Variants in MAP2K5 observed in about 807,000 individuals in gnomAD.
MAP2K5 encodes mitogen-activated protein kinase kinase 5, also known as dual specificity mitogen-activated protein kinase kinase 5.
MAP2K5 carries 49 observed loss-of-function variants against 83.1 expected under a neutral mutation model. The ratio of observed to expected loss-of-function variants is 0.59; its 90% CI spans 0.47 to 0.75. The LOEUF (loss-of-function observed/expected upper bound fraction) is 0.75, where lower values mean the gene tolerates loss of function less well. Ranked by LOEUF, MAP2K5 falls within the 30% of genes least tolerant of loss-of-function variation. The pLI, the probability that MAP2K5 is intolerant of heterozygous loss-of-function variation, is 0.00. For synonymous variants in MAP2K5, 202 were observed against 191.8 expected, an observed-to-expected ratio of 1.05 and a Z score of -0.44; for missense variants, 457 against 557.5, an observed-to-expected ratio of 0.82 and a Z score of 1.82.
Position 67,720,064 on chromosome 15 carries a change from G to A in MAP2K5, c.1045-7852G>A, listed in dbSNP as rs1024909129. Among the ~76,000 whole-genome samples, 1 of 152,088 alleles carries A rather than the reference G, an allele frequency of 6.6e-6. No individual in the cohort carries two copies. Among genetic ancestry groups the A allele is most frequent in the South Asian group, 2.1e-4 (1 of 4,828 alleles). On this transcript the variant is annotated intron_variant, in intron 16 of 21. Coordinates refer to ENST00000178640, the MANE Select transcript of MAP2K5 (RefSeq NM_145160.3). This position sits in a 1 kb window ranked among gnomAD's most constrained non-coding sequence, Gnocchi z 5.7. ...AGTGTCTGTAAAGCTACAAAAGTGG[G>A]CATTTTTAAATTGAGGGTTTTTTCC... is the stretch of plus-strand genomic sequence containing the variant.
intron 2 of MAP2K5, among the ~76,000 whole-genome samples, chr15:67,550,884 G>A (rs1323073960): frequency 6.6e-6 from 1 of 151,906 alleles, no homozygotes; most frequent in Non-Finnish European, 1.5e-5. Flanking sequence ...CAGTTCTCAT[G>A]CCTCAGCCTC....
rs1466862042 is a variant in MAP2K5, at chr15:67,555,927, G to C, written c.184+5845G>C. On this transcript the variant is annotated intron_variant, in intron 2 of 21. Coordinates refer to ENST00000178640, the MANE Select transcript of MAP2K5 (RefSeq NM_145160.3). The surrounding 1 kb of genome is among the most constrained non-coding windows in gnomAD (Gnocchi z 5.2). ...GCCTCCCAAGTAGCTAGGACTACAG[G>C]CATGCGCCACCACACCCGGCTAATT... Among the ~76,000 whole-genome samples, 1 of 152,016 alleles carries C rather than the reference G, an allele frequency of 6.6e-6. No homozygotes were observed. Among genetic ancestry groups the C allele is most frequent in the African/African-American group, 2.4e-5 (1 of 41,386 alleles).
intron 8 of MAP2K5, among the ~76,000 whole-genome samples, chr15:67,611,097 G>A (rs2085913117): frequency 6.6e-6 from 1 of 151,988 alleles, no homozygotes; most frequent in Non-Finnish European, 1.5e-5. Flanking sequence ...CTATTACGAC[G>A]GTTAACTGTA....
intron 12 of MAP2K5, 80 bp from the exon 13 acceptor site, chr15:67,664,517 G>T: frequency 5.8e-6 from 5 of 866,872 alleles, no homozygotes; most frequent in Admixed American, 2.2e-5. Context: ...AAAAAAAAAT[G>T]TTGAATGTAT....
intron 9 of MAP2K5, chr15:67,642,379 GCGCATA>G: frequency 6.4e-7 from 1 of 1,560,340 alleles, no homozygotes; most frequent in African/African-American, 1.4e-5. Flanking sequence ...CCCTTGAGAG[GCGCATA>G]GCCACTCTAA....
At chr15:67,574,980 G>C (rs2085024878) in intron 3 of MAP2K5, among the ~76,000 whole-genome samples, 1 of 152,178 alleles carries the variant, frequency 6.6e-6, no homozygotes, top group South Asian at 2.1e-4. Flanking sequence ...TGGGAAACAG[G>C]GTCATAGTGA....
Position 67,738,004 on chromosome 15 carries a change from A to C in MAP2K5, c.1074+10059A>C, listed in dbSNP as rs181309684. On this transcript the variant is annotated intron_variant, in intron 17 of 21. Coordinates refer to ENST00000178640, the MANE Select transcript of MAP2K5 (RefSeq NM_145160.3). This position sits in a 1 kb window ranked among gnomAD's most constrained non-coding sequence, Gnocchi z 4.1. ...GTAGCTGGGATTATAGGAGTGCATCACCATACCCGGCTAATTTTTGTATTT... is the reference window on the plus strand; with the variant it reads ...GTAGCTGGGATTATAGGAGTGCATCCCCATACCCGGCTAATTTTTGTATTT... Among the ~76,000 whole-genome samples, 329 of 151,712 alleles carry C rather than the reference A, an allele frequency of 2.2e-3. 7 individuals carry two copies. The South Asian group carries it at 0.034, about 16-fold the overall frequency.
rs186405611 is a variant in MAP2K5, at chr15:67,573,975, C to T, written c.253-6779C>T. On this transcript the variant is annotated intron_variant, in intron 3 of 21. Coordinates refer to ENST00000178640, the MANE Select transcript of MAP2K5 (RefSeq NM_145160.3). The surrounding 1 kb of genome is among the most constrained non-coding windows in gnomAD (Gnocchi z 4.2). ...TTCCTCCTCTTGCTTTTGGGAACAC[C>T]CAGCTCTGACTGGGTTTATTGGTGG... Among the ~76,000 whole-genome samples, 1 of 152,232 alleles carries T rather than the reference C, an allele frequency of 6.6e-6. No individual in the cohort carries two copies. Among genetic ancestry groups the T allele is most frequent in the East Asian group, 1.9e-4 (1 of 5,178 alleles).
intron 8 of MAP2K5, among the ~76,000 whole-genome samples, chr15:67,616,353 G>T (rs2086054695): frequency 6.6e-6 from 1 of 152,176 alleles, no homozygotes; most frequent in African/African-American, 2.4e-5. Flanking sequence ...CCAATGAGGA[G>T]AATTAAGAAT....
intron 9 of MAP2K5, among the ~76,000 whole-genome samples, chr15:67,641,946 A>G (rs2086721334): frequency 6.6e-6 from 1 of 152,202 alleles, no homozygotes; most frequent in African/African-American, 2.4e-5. Flanking sequence ...TCTCCCAGAA[A>G]ATAGAGAGCA....
chr15:67,756,945 T>G (rs2089851516), intron 19 of MAP2K5, among the ~76,000 whole-genome samples: 1 of 152,200 alleles, frequency 6.6e-6, no homozygotes, highest in African/African-American at 2.4e-5. Flanking sequence ...ATTCATCTAT[T>G]GACTGATCCT....
chr15:67,695,395 G>T (rs1358705710), intron 15 of MAP2K5, among the ~76,000 whole-genome samples: 1 of 151,900 alleles, frequency 6.6e-6, no homozygotes, highest in Non-Finnish European at 1.5e-5. Context: ...TTTTTGTCTT[G>T]CATGGTTTTT....
chr15:67,767,024 G>C (rs1479487540), intron 19 of MAP2K5, among the ~76,000 whole-genome samples: 1 of 152,044 alleles, frequency 6.6e-6, no homozygotes, highest in Non-Finnish European at 1.5e-5. Flanking sequence ...TCTTTCCAGG[G>C]ACCACTGAGA....
chr15:67,771,724 C>T (rs989185388), intron 20 of MAP2K5, among the ~76,000 whole-genome samples: 3 of 152,102 alleles, frequency 2.0e-5, no homozygotes, highest in South Asian at 2.1e-4. Flanking sequence ...TTCATAACTC[C>T]GATTCTTGTT....
At chr15:67,628,510 G>T (rs1185330617) in intron 8 of MAP2K5, 2 of 718,892 alleles carry the variant, frequency 2.8e-6, no homozygotes, top group Non-Finnish European at 4.8e-6. Context: ...ATAAAAAAAA[G>T]ACACTGAGGA....
intron 17 of MAP2K5, among the ~76,000 whole-genome samples, chr15:67,730,013 G>A (rs1011537105): frequency 6.6e-6 from 1 of 152,172 alleles, no homozygotes; most frequent in African/African-American, 2.4e-5. Flanking sequence ...ATGATAGAAT[G>A]TTGTCACCAA....
At chr15:67,743,257 G>T (rs1047847622) in intron 17 of MAP2K5, among the ~76,000 whole-genome samples, 1 of 152,134 alleles carries the variant, frequency 6.6e-6, no homozygotes, top group Non-Finnish European at 1.5e-5. Flanking sequence ...GAGAATCGTT[G>T]GTTCCTTCTT....
intron 8 of MAP2K5, among the ~76,000 whole-genome samples, chr15:67,610,016 T>C (rs1007199866): frequency 6.6e-6 from 1 of 152,098 alleles, no homozygotes; most frequent in Non-Finnish European, 1.5e-5. Context: ...TTTTTACTTA[T>C]GAGAAAGATA....
intron 8 of MAP2K5, among the ~76,000 whole-genome samples, chr15:67,619,954 C>T (rs1289646729): frequency 6.6e-6 from 1 of 152,212 alleles, no homozygotes; most frequent in African/African-American, 2.4e-5. Context: ...CCTGTAGACT[C>T]AACTACTCAG....
Sources: allele counts gnomAD v4.1 joint callset (sites outside exome capture counted in the v4.1 genomes callset), GRCh38; gene constraint gnomAD v4.1.1; non-coding constraint Gnocchi (gnomAD v3.1); transcripts MANE v1.5; gene names NCBI Gene and HGNC (gene_info 2026-07-23, HGNC 2026-07-21).